Variants in PDE7B observed in about 807,000 individuals in gnomAD.
PDE7B encodes phosphodiesterase 7B.
PDE7B carries 29 observed loss-of-function variants against 56.2 expected under a neutral mutation model. That is an observed-to-expected ratio of 0.52 (90% CI 0.38 to 0.70). The LOEUF (loss-of-function observed/expected upper bound fraction) is 0.70. Ranked by LOEUF, PDE7B falls within the 30% of genes least tolerant of loss-of-function variation. PDE7B has a pLI of 0.00. For synonymous variants in PDE7B, 197 were observed against 196.9 expected (o/e 1.00, Z 0.00); for missense variants, 490 against 565.0 (o/e 0.87, Z 1.35).
intron 2 of PDE7B, among the ~76,000 whole-genome samples, chr6:135,960,432 G>A (rs1774879852): frequency 6.6e-6 from 1 of 152,172 alleles, no homozygotes; most frequent in African/African-American, 2.4e-5. Context: ...TTTAACATTA[G>A]TAAGTATGAA....
intron 2 of PDE7B, among the ~76,000 whole-genome samples, chr6:135,956,944 A>T (rs1292165384): frequency 6.6e-6 from 1 of 152,132 alleles, no homozygotes; most frequent in Admixed American, 6.6e-5. Flanking sequence ...CTGGTGGAGG[A>T]TATGACAGTA....
chr6:136,113,623 A>G (rs913215125), intron 3 of PDE7B, among the ~76,000 whole-genome samples: 4 of 152,238 alleles, frequency 2.6e-5, no homozygotes, highest in African/African-American at 9.6e-5. Flanking sequence ...TGATGTCCTA[A>G]CACAGAGAAC....
intron 2 of PDE7B, chr6:136,047,512 A>G (rs1417793994): frequency 6.6e-6 from 1 of 152,188 alleles, no homozygotes; most frequent in East Asian, 1.9e-4. Context: ...AGGGAATGTA[A>G]ATAGACAAAA....
At chr6:135,972,247 A>C (rs1014382329) in intron 2 of PDE7B, among the ~76,000 whole-genome samples, 6 of 151,166 alleles carry the variant, frequency 4.0e-5, no homozygotes, top group South Asian at 2.1e-4. Context: ...AAAAAAAAAA[A>C]AAAAAAAAAA....
chr6:135,898,676 C>T (rs758976387), intron 1 of PDE7B, among the ~76,000 whole-genome samples: 10 of 151,942 alleles, frequency 6.6e-5, no homozygotes, highest in Non-Finnish European at 1.0e-4. Flanking sequence ...TTCTATAAAG[C>T]GTAAATAGCA....
intron 10 of PDE7B, among the ~76,000 whole-genome samples, chr6:136,180,935 C>T (rs1035705894): frequency 3.9e-5 from 6 of 152,226 alleles, no homozygotes; most frequent in Non-Finnish European, 5.9e-5. Flanking sequence ...ACAGAAGGAG[C>T]CAGGCCATGG....
At chr6:136,002,981 C>T (rs969024509) in intron 2 of PDE7B, among the ~76,000 whole-genome samples, 4 of 151,756 alleles carry the variant, frequency 2.6e-5, no homozygotes, top group African/African-American at 4.8e-5. Context: ...TGTAAAAGAA[C>T]AGAAATTATA....
intron 1 of PDE7B, among the ~76,000 whole-genome samples, chr6:135,918,419 C>A (rs1773999742): frequency 6.6e-6 from 1 of 152,072 alleles, no homozygotes; most frequent in Non-Finnish European, 1.5e-5. Flanking sequence ...CTACCCATAT[C>A]ATTATTTATG....
intron 2 of PDE7B, among the ~76,000 whole-genome samples, chr6:136,072,062 C>A (rs1777057543): frequency 6.6e-6 from 1 of 152,088 alleles, no homozygotes; most frequent in African/African-American, 2.4e-5. Flanking sequence ...TAGCTTCTTC[C>A]CTCAGTCCCC....
chr6:136,013,517 T>C (rs2128207395), intron 2 of PDE7B, among the ~76,000 whole-genome samples: 1 of 152,318 alleles, frequency 6.6e-6, no homozygotes, highest in Non-Finnish European at 1.5e-5. Flanking sequence ...AAGATAAGCA[T>C]GCTGTTAGGA....
At chr6:136,150,739 T>C (rs1287345582) in intron 5 of PDE7B, among the ~76,000 whole-genome samples, 1 of 152,218 alleles carries the variant, frequency 6.6e-6, no homozygotes, top group African/African-American at 2.4e-5. Context: ...AGGCTGTGAC[T>C]ATCAAGCAAT....
chr6:135,904,078 A>T (rs1776054050), intron 1 of PDE7B, among the ~76,000 whole-genome samples: 1 of 152,212 alleles, frequency 6.6e-6, no homozygotes, highest in Non-Finnish European at 1.5e-5. Flanking sequence ...GTTTGTTCCC[A>T]TCACATCAAA....
intron 2 of PDE7B, among the ~76,000 whole-genome samples, chr6:136,025,625 G>C (rs1392991604): frequency 6.6e-6 from 1 of 152,160 alleles, no homozygotes; most frequent in Non-Finnish European, 1.5e-5. Flanking sequence ...AAAAGAAGGA[G>C]CTATATAAGG....
At chr6:135,855,382 T>C (rs1198534049) in intron 1 of PDE7B, among the ~76,000 whole-genome samples, 3 of 151,970 alleles carry the variant, frequency 2.0e-5, no homozygotes, top group Non-Finnish European at 4.4e-5. Flanking sequence ...CTGGAGTCTG[T>C]ACAAAGAAAT....
intron 2 of PDE7B, among the ~76,000 whole-genome samples, chr6:136,038,775 T>C (rs1158374423): frequency 6.6e-6 from 1 of 152,140 alleles, no homozygotes; most frequent in African/African-American, 2.4e-5. Context: ...TGCTTGCCCT[T>C]TGGGCTTGCA....
At chr6:135,923,469 T>A (rs1387163158) in intron 1 of PDE7B, among the ~76,000 whole-genome samples, 2 of 152,238 alleles carry the variant, frequency 1.3e-5, no homozygotes, top group Non-Finnish European at 2.9e-5. Flanking sequence ...AAATGTTTAG[T>A]ATATGATTAG....
At chr6:136,152,100 G>T (rs866146126) in intron 6 of PDE7B, among the ~76,000 whole-genome samples, 2 of 152,122 alleles carry the variant, frequency 1.3e-5, no homozygotes, top group Middle Eastern at 3.2e-3. Context: ...CCTGTCTCAG[G>T]GTGGCCAAGG....
At chr6:135,882,164 G>A (rs1305746469) in intron 1 of PDE7B, among the ~76,000 whole-genome samples, 1 of 152,176 alleles carries the variant, frequency 6.6e-6, no homozygotes, top group Non-Finnish European at 1.5e-5. Flanking sequence ...AGCCTGTTAG[G>A]TATAAAATTT....
intron 1 of PDE7B, among the ~76,000 whole-genome samples, chr6:135,916,518 G>A (rs1236776079): frequency 4.1e-5 from 6 of 148,100 alleles, no homozygotes; most frequent in African/African-American, 1.3e-4. Flanking sequence ...TCAGCCTCCC[G>A]AGTAGCTGGG....
Sources: gnomAD v4.1 joint callset for allele counts (sites outside exome capture counted in the v4.1 genomes callset) on GRCh38, gnomAD v4.1.1 for gene constraint, MANE v1.5 for transcripts, NCBI Gene and HGNC (gene_info 2026-07-23, HGNC 2026-07-21) for gene names.